Variants in SYT1 observed in about 807,000 individuals in gnomAD.
SYT1 encodes synaptotagmin-1.
A neutral mutation model predicts 44.8 loss-of-function variants in SYT1; 8 were observed. The observed-to-expected ratio is 0.18, with a 90% confidence interval of 0.10 to 0.32. SYT1 has a LOEUF of 0.32. Among genes scored for constraint, SYT1 ranks in the 10% least tolerant of loss-of-function variants. The probability of loss-of-function intolerance (pLI) is 1.00; values close to 1 mark genes in which losing one functional copy is unlikely to be tolerated. For synonymous variants in SYT1, 154 were observed against 188.8 expected, an observed-to-expected ratio of 0.82 and a Z score of 1.51; for missense variants, 286 against 509.3, an observed-to-expected ratio of 0.56 and a Z score of 4.22.
At chr12:79,375,299 C>T (rs1883949399) in intron 9 of SYT1, among the ~76,000 whole-genome samples, 1 of 151,968 alleles carries the variant, frequency 6.6e-6, no homozygotes. Context: ...AACCAAGAAC[C>T]GGGTTGAGGG....
chr12:79,165,253 A>G (rs1031239264), intron 3 of SYT1, among the ~76,000 whole-genome samples: 1 of 151,998 alleles, frequency 6.6e-6, no homozygotes, highest in South Asian at 2.1e-4. Flanking sequence ...TGAAAATTAT[A>G]ATTGAACAGT....
chr12:79,065,517 T>C (rs574935766), intron 3 of SYT1, among the ~76,000 whole-genome samples: 1 of 152,300 alleles, frequency 6.6e-6, no homozygotes, highest in Non-Finnish European at 1.5e-5. Flanking sequence ...GCTGATATTC[T>C]CATTTTCTTC....
At chr12:79,012,394 A>T (rs760592489) in intron 2 of SYT1, among the ~76,000 whole-genome samples, 17 of 152,164 alleles carry the variant, frequency 1.1e-4, no homozygotes, top group Non-Finnish European at 1.9e-4. Flanking sequence ...ATTGGATCCA[A>T]TCACCTGGAT....
intron 1 of SYT1, among the ~76,000 whole-genome samples, chr12:78,973,937 AAAT>A (rs1868603751): frequency 4.3e-5 from 1 of 23,252 alleles, no homozygotes; most frequent in Non-Finnish European, 7.2e-5. Context: ...AAAAAAAAAA[AAAT>A]ATATATATAT....
chr12:79,265,958 T>C (rs1878103419), intron 4 of SYT1, among the ~76,000 whole-genome samples: 1 of 152,200 alleles, frequency 6.6e-6, no homozygotes, highest in African/African-American at 2.4e-5. Flanking sequence ...TTCCATAGTC[T>C]ATCCAGAATA....
At chr12:78,884,681 A>G (rs945402398) in intron 1 of SYT1, among the ~76,000 whole-genome samples, 10 of 151,366 alleles carry the variant, frequency 6.6e-5, no homozygotes, top group African/African-American at 2.4e-4. Flanking sequence ...TTATAATTAT[A>G]TTTAATATAT....
chr12:79,264,869 A>G (rs1222914226), intron 4 of SYT1, among the ~76,000 whole-genome samples: 3 of 152,168 alleles, frequency 2.0e-5, no homozygotes, highest in East Asian at 1.9e-4. Flanking sequence ...TTGTTTATTC[A>G]TGAATAGCTG....
At chr12:79,278,937 C>A (rs532791956) in intron 4 of SYT1, among the ~76,000 whole-genome samples, 3 of 151,286 alleles carry the variant, frequency 2.0e-5, no homozygotes, top group South Asian at 4.2e-4. Flanking sequence ...AACATATAGC[C>A]CCCCCAAGCC....
intron 1 of SYT1, among the ~76,000 whole-genome samples, chr12:78,970,369 T>C (rs1404475919): frequency 6.6e-6 from 1 of 152,216 alleles, no homozygotes; most frequent in Non-Finnish European, 1.5e-5. Context: ...AGGCATCTTA[T>C]ATTTGAATAG....
intron 9 of SYT1, among the ~76,000 whole-genome samples, chr12:79,380,479 C>A (rs1226151750): frequency 6.6e-6 from 1 of 152,186 alleles, no homozygotes; most frequent in African/African-American, 2.4e-5. Flanking sequence ...ATGATCATAG[C>A]TCACTGAAGC....
chr12:79,333,501 C>G (rs1881949873), intron 8 of SYT1, among the ~76,000 whole-genome samples: 1 of 152,160 alleles, frequency 6.6e-6, no homozygotes, highest in African/African-American at 2.4e-5. Context: ...GATATTCCAC[C>G]TCAGCTACTA....
At chr12:79,062,397 G>A (rs987523387) in intron 3 of SYT1, among the ~76,000 whole-genome samples, 1 of 152,118 alleles carries the variant, frequency 6.6e-6, no homozygotes, top group African/African-American at 2.4e-5. Context: ...ATTTGATATT[G>A]AAAAGCCTAG....
chr12:78,876,758 A>AT lies in SYT1; in HGVS notation c.-217+11650dup, dbSNP rs1565697533. 1.5e-3 allele frequency among the ~76,000 whole-genome samples: 153 copies of AT among 99,444 alleles called. 1 individual carries two copies. Among genetic ancestry groups the AT allele is most frequent in the African/African-American group, 3.9e-3 (95 of 24,670 alleles). The allele number at this position is 99,444 out of a possible 152,430, so 65.2% of individuals were successfully genotyped here. On this transcript the variant is annotated intron_variant, in intron 1 of 10. Transcript: ENST00000261205. The stretch of plus-strand genomic sequence containing the variant: ...TATTATATATTATATATTGTATATT[A>AT]TATATATTATATATTTATATATTAT...
intron 1 of SYT1, among the ~76,000 whole-genome samples, chr12:78,957,280 C>A (rs570254688): frequency 6.6e-6 from 1 of 152,174 alleles, no homozygotes; most frequent in African/African-American, 2.4e-5. Flanking sequence ...CTATCCTGGG[C>A]AACATGGTGA....
chr12:79,249,088 CTTTTTTTT>C (rs58983623), intron 4 of SYT1, among the ~76,000 whole-genome samples: 6 of 71,824 alleles, frequency 8.4e-5, no homozygotes, highest in South Asian at 5.5e-4. Flanking sequence ...TTACCTCTTT[CTTTTTTTT>C]TTTTTTTTTT....
chr12:79,423,193 CAT>C (rs1297644239), intron 9 of SYT1, among the ~76,000 whole-genome samples: 4 of 152,142 alleles, frequency 2.6e-5, no homozygotes, highest in Admixed American at 6.5e-5. Flanking sequence ...TGCGCCCACA[CAT>C]GTGTGCACAC....
intron 9 of SYT1, among the ~76,000 whole-genome samples, chr12:79,415,590 A>T (rs185227633): frequency 2.0e-4 from 30 of 152,314 alleles, no homozygotes; most frequent in Admixed American, 9.8e-4. Context: ...TGAATGGACC[A>T]TAATTTATTG....
intron 3 of SYT1, among the ~76,000 whole-genome samples, chr12:79,197,355 C>T (rs753513290): frequency 1.6e-4 from 24 of 151,938 alleles, no homozygotes; most frequent in Admixed American, 6.6e-4. Context: ...GCTTTTGTTG[C>T]GATATTAGGG....
chr12:79,122,648 A>T (rs1868296148), intron 3 of SYT1, among the ~76,000 whole-genome samples: 2 of 151,648 alleles, frequency 1.3e-5, no homozygotes, highest in Admixed American at 1.3e-4. Flanking sequence ...TGTGATGAGT[A>T]AGACACATTT....
Sources: gnomAD v4.1 joint callset for allele counts (sites outside exome capture counted in the v4.1 genomes callset) on GRCh38, gnomAD v4.1.1 for gene constraint, MANE v1.5 for transcripts, NCBI Gene and HGNC (gene_info 2026-07-23, HGNC 2026-07-21) for gene names.